Variants in ADCY8 observed in about 807,000 individuals in gnomAD.
The protein encoded by ADCY8 is adenylate cyclase type 8.
ADCY8 carries 51 observed loss-of-function variants against 119.7 expected under a neutral mutation model. The observed-to-expected ratio is 0.43, with a 90% confidence interval of 0.34 to 0.54. ADCY8 has a LOEUF of 0.54. Among genes scored for constraint, ADCY8 ranks in the 20% least tolerant of loss-of-function variants. The pLI, the probability that ADCY8 is intolerant of heterozygous loss-of-function variation, is 0.03. For synonymous variants in ADCY8, 665 were observed against 651.0 expected (o/e 1.02, Z -0.33); for missense variants, 1,383 against 1,598.8 (o/e 0.87, Z 2.30).
chr8:130,860,683 T>C (rs1326138275), intron 9 of ADCY8, among the ~76,000 whole-genome samples: 2 of 152,314 alleles, frequency 1.3e-5, no homozygotes, highest in East Asian at 1.9e-4. Context: ...TGCAGGTTTG[T>C]TACATAGGTA....
chr8:130,920,336 G>A (rs1051415498), intron 5 of ADCY8, among the ~76,000 whole-genome samples: 1 of 152,046 alleles, frequency 6.6e-6, no homozygotes, highest in South Asian at 2.1e-4. Flanking sequence ...ACACTGTGAG[G>A]AGCCTTCCAT....
intron 17 of ADCY8, among the ~76,000 whole-genome samples, chr8:130,782,012 A>G (rs1815095886): frequency 6.6e-6 from 1 of 152,210 alleles, no homozygotes; most frequent in Admixed American, 6.5e-5. Context: ...AATGTAATAT[A>G]ATATTAATGA....
At chr8:130,888,749 T>C (rs1308854298) in intron 7 of ADCY8, among the ~76,000 whole-genome samples, 1 of 152,106 alleles carries the variant, frequency 6.6e-6, no homozygotes, top group Non-Finnish European at 1.5e-5. Flanking sequence ...AAGTCACAAA[T>C]CCTCTTAAGC....
intron 4 of ADCY8, among the ~76,000 whole-genome samples, chr8:130,940,537 T>C (rs1820925860): frequency 6.6e-6 from 1 of 152,008 alleles, no homozygotes; most frequent in South Asian, 2.1e-4. Flanking sequence ...GTATGTAATA[T>C]ATATAATACA....
intron 11 of ADCY8, among the ~76,000 whole-genome samples, chr8:130,843,864 G>A (rs139448987): frequency 6.6e-6 from 1 of 152,278 alleles, no homozygotes; most frequent in African/African-American, 2.4e-5. Flanking sequence ...AGGATGGAGT[G>A]TGAATGCTAA....
intron 14 of ADCY8, among the ~76,000 whole-genome samples, chr8:130,805,819 A>G (rs1051156192): frequency 2.8e-4 from 42 of 152,196 alleles, no homozygotes; most frequent in Non-Finnish European, 6.0e-4. Flanking sequence ...TGTGGGGCAG[A>G]AAGGGAAACC....
At position 131,040,021 on chromosome 8, in the gene ADCY8, C is replaced by A; in HGVS notation, c.313G>T (p.Gly105Cys). 6.4e-7 allele frequency: 1 copy of A among 1,556,334 alleles called. No individual in the cohort carries two copies. Among genetic ancestry groups the A allele is most frequent in the Middle Eastern group, 1.8e-4 (1 of 5,412 alleles). The change falls in exon 1 of 18, where the codon GGC becomes TGC. Residue 105 changes from glycine to cysteine, a missense_variant. This residue lies in a region of ADCY8 where 455 missense variants were observed against 435.3 expected (regional missense o/e 1.05). Coordinates refer to ENST00000286355, the MANE Select transcript of ADCY8 (RefSeq NM_001115.3). Reference protein sequence around the residue: ...GPGERAHSTCGTKVFPERSGS... With the variant: ...GPGERAHSTCCTKVFPERSGS... Reference sequence around the variant, plus strand: ...CTGCGTTCCGGGAAGACTTTGGTGCCGCAGGTGCTGTGCGCTCGCTCTCCC... The same window carrying A: ...CTGCGTTCCGGGAAGACTTTGGTGCAGCAGGTGCTGTGCGCTCGCTCTCCC...
chr8:130,809,129 T>C (rs958294774), intron 14 of ADCY8, among the ~76,000 whole-genome samples: 7 of 152,208 alleles, frequency 4.6e-5, no homozygotes, highest in Non-Finnish European at 8.8e-5. Flanking sequence ...TGTGAGGCCC[T>C]GTCCACCGCC....
At chr8:130,852,372 G>A (rs1344089339) in intron 9 of ADCY8, among the ~76,000 whole-genome samples, 2 of 152,198 alleles carry the variant, frequency 1.3e-5, no homozygotes, top group East Asian at 3.9e-4. Context: ...TTCCCAGAGG[G>A]CTCTAGGCAG....
chr8:130,791,416 G>A (rs1454207244), intron 15 of ADCY8, among the ~76,000 whole-genome samples: 1 of 152,216 alleles, frequency 6.6e-6, no homozygotes, highest in Non-Finnish European at 1.5e-5. Flanking sequence ...CTGGAGAAGT[G>A]CCTGGAGAAG....
intron 3 of ADCY8, among the ~76,000 whole-genome samples, chr8:130,944,261 G>T (rs957914565): frequency 2.0e-5 from 3 of 152,144 alleles, no homozygotes; most frequent in African/African-American, 7.2e-5. Flanking sequence ...TTGTCCATTT[G>T]GTTGAATTGC....
chr8:130,963,355 T>A (rs1484949594), intron 2 of ADCY8, among the ~76,000 whole-genome samples: 1 of 151,946 alleles, frequency 6.6e-6, no homozygotes, highest in Non-Finnish European at 1.5e-5. Context: ...TTCAAGGGAG[T>A]GATGTTTAAC....
chr8:130,880,390 A>G (rs1563709363), intron 8 of ADCY8, among the ~76,000 whole-genome samples: 1 of 152,234 alleles, frequency 6.6e-6, no homozygotes, highest in Non-Finnish European at 1.5e-5. Context: ...TCTTCTTTTA[A>G]TAAGAAAATA....
intron 2 of ADCY8, among the ~76,000 whole-genome samples, chr8:130,971,592 C>G (rs552830075): frequency 1.3e-5 from 2 of 152,042 alleles, no homozygotes; most frequent in South Asian, 4.1e-4. Flanking sequence ...GAGCTTCAGG[C>G]AAGTCAATAA....
intron 7 of ADCY8, among the ~76,000 whole-genome samples, chr8:130,891,692 A>G (rs890182059): frequency 2.0e-5 from 3 of 152,114 alleles, no homozygotes; most frequent in Admixed American, 1.3e-4. Context: ...GAGATATGAG[A>G]TGAAATATTT....
At chr8:130,901,011 A>G (rs894175433) in intron 7 of ADCY8, among the ~76,000 whole-genome samples, 3 of 152,146 alleles carry the variant, frequency 2.0e-5, no homozygotes, top group African/African-American at 4.8e-5. Context: ...CGCAGTTCCA[A>G]GCAAAAAATC....
intron 5 of ADCY8, among the ~76,000 whole-genome samples, chr8:130,929,361 T>A (rs1388148287): frequency 6.6e-6 from 1 of 152,200 alleles, no homozygotes; most frequent in Non-Finnish European, 1.5e-5. Context: ...CAAGAAATTT[T>A]AAAATTTTCC....
chr8:130,789,158 A>G (rs1289227262), intron 15 of ADCY8, among the ~76,000 whole-genome samples: 1 of 152,248 alleles, frequency 6.6e-6, no homozygotes, highest in Non-Finnish European at 1.5e-5. Flanking sequence ...TGTATATTTT[A>G]TATGCAGGTT....
chr8:130,897,640 G>A (rs1259622394), intron 7 of ADCY8, among the ~76,000 whole-genome samples: 1 of 1,440 alleles, frequency 6.9e-4, no homozygotes, highest in East Asian at 0.017. Context: ...AATAGCCGTG[G>A]TGAGCAAGTG....
Sources: gnomAD v4.1 joint callset for allele counts (sites outside exome capture counted in the v4.1 genomes callset) on GRCh38, gnomAD v4.1.1 for gene constraint, gnomAD v4.1.1 regional missense constraint, MANE v1.5 for transcripts, NCBI Gene and HGNC (gene_info 2026-07-23, HGNC 2026-07-21) for gene names.